DHRSX: variants seen among roughly 807,000 people sequenced by gnomAD.
DHRSX encodes polyprenol dehydrogenase.
A neutral mutation model predicts 34.0 loss-of-function variants in DHRSX; 31 were observed. The observed-to-expected ratio is 0.91, with a 90% CI of 0.69 to 1.23. The LOEUF (loss-of-function observed/expected upper bound fraction) is 1.23. DHRSX is among the 50% of genes most tolerant of loss of function. The pLI is 0.00. For synonymous variants in DHRSX, 201 were observed against 183.8 expected, an observed-to-expected ratio of 1.09 and a Z score of -0.76; for missense variants, 414 against 428.1, an observed-to-expected ratio of 0.97 and a Z score of 0.29.
At chrX:2,323,027 G>A (rs145040695) in intron 3 of DHRSX, among the ~76,000 whole-genome samples, 3,025 of 150,542 alleles carry the variant, frequency 0.02, 103 homozygotes, top group African/African-American at 0.069. Flanking sequence ...AGGTTCAAGC[G>A]ATTCTCCTGC....
chrX:2,442,638 A>G (rs1332120885), intron 1 of DHRSX, among the ~76,000 whole-genome samples: 6 of 151,874 alleles, frequency 4.0e-5, no homozygotes, highest in Non-Finnish European at 5.9e-5. Context: ...CAGGTCCCCA[A>G]ATCACTGCAT....
chrX:2,392,481 A>G (rs1348881448), intron 3 of DHRSX: 1 of 284,240 alleles, frequency 3.5e-6, no homozygotes, highest in South Asian at 3.4e-5. Context: ...GTCTCTTAAA[A>G]AATAAAATAA....
chrX:2,372,349 C>G (rs1353902027), intron 3 of DHRSX, among the ~76,000 whole-genome samples: 3 of 152,070 alleles, frequency 2.0e-5, no homozygotes, highest in Non-Finnish European at 4.4e-5. Flanking sequence ...CTATAGATCT[C>G]CCAGACGCGC....
intron 6 of DHRSX, among the ~76,000 whole-genome samples, chrX:2,234,773 C>T (rs1399449102): frequency 2.0e-5 from 3 of 152,160 alleles, no homozygotes; most frequent in African/African-American, 7.2e-5. Flanking sequence ...TGCAGTGGCA[C>T]GATCCCGGCT....
chrX:2,360,528 A>G (rs1371749597), intron 3 of DHRSX, among the ~76,000 whole-genome samples: 2 of 152,120 alleles, frequency 1.3e-5, no homozygotes, highest in Non-Finnish European at 2.9e-5. Flanking sequence ...GATTGCAGTG[A>G]GCCAAGATCG....
intron 1 of DHRSX, among the ~76,000 whole-genome samples, chrX:2,484,999 A>G (rs986610722): frequency 6.6e-6 from 1 of 152,010 alleles, no homozygotes; most frequent in Non-Finnish European, 1.5e-5. Context: ...TGTTTTCCTC[A>G]CCCTTCAGAG....
At chrX:2,343,127 T>C (rs2042660959) in intron 3 of DHRSX, among the ~76,000 whole-genome samples, 1 of 152,084 alleles carries the variant, frequency 6.6e-6, no homozygotes, top group Admixed American at 6.6e-5. Flanking sequence ...CAGCCTCCCC[T>C]CTGACCAGAG....
intron 3 of DHRSX, among the ~76,000 whole-genome samples, chrX:2,397,284 C>G (rs2043423989): frequency 1.3e-5 from 2 of 152,102 alleles, no homozygotes; most frequent in South Asian, 4.1e-4. Context: ...ACAGTGCACC[C>G]CACCAAGCCA....
intron 6 of DHRSX, among the ~76,000 whole-genome samples, chrX:2,240,308 AG>A (rs1222126999): frequency 6.6e-6 from 1 of 151,800 alleles, no homozygotes; most frequent in Non-Finnish European, 1.5e-5. Flanking sequence ...AAAAAGAAAA[AG>A]AAAAAGAAAA....
At chrX:2,409,673 A>C (rs1438965357) in intron 2 of DHRSX, among the ~76,000 whole-genome samples, 3 of 152,154 alleles carry the variant, frequency 2.0e-5, no homozygotes, top group Non-Finnish European at 2.9e-5. Flanking sequence ...TAGCTAAAAT[A>C]AAGACTAGGA....
At chrX:2,315,635 C>T (rs1435155904) in intron 3 of DHRSX, among the ~76,000 whole-genome samples, 4 of 152,108 alleles carry the variant, frequency 2.6e-5, no homozygotes, top group South Asian at 4.1e-4. Context: ...CGTAACAAAA[C>T]GCCCCAAACG....
At chrX:2,318,677 A>G (rs2042270179) in intron 3 of DHRSX, among the ~76,000 whole-genome samples, 1 of 151,680 alleles carries the variant, frequency 6.6e-6, no homozygotes, top group Admixed American at 6.6e-5. Context: ...AGAACCGCCC[A>G]CCGGCTTCCC....
intron 5 of DHRSX, among the ~76,000 whole-genome samples, chrX:2,249,276 AC>A (rs1231632171): frequency 1.6e-5 from 2 of 128,346 alleles, no homozygotes; most frequent in Non-Finnish European, 1.6e-5. Context: ...CACTGCAACC[AC>A]CCCCTCCTGG....
At chrX:2,246,718 A>AAGAAAGAAAG (rs2016299372) in intron 5 of DHRSX, among the ~76,000 whole-genome samples, 4 of 109,198 alleles carry the variant, frequency 3.7e-5, no homozygotes, top group Admixed American at 3.6e-4. Flanking sequence ...GAAAGAAAGA[A>AAGAAAGAAAG]AGAAAGAAAG....
intron 3 of DHRSX, among the ~76,000 whole-genome samples, chrX:2,323,113 T>C (rs1364133930): frequency 6.6e-6 from 1 of 152,064 alleles, no homozygotes; most frequent in Non-Finnish European, 1.5e-5. Context: ...TGTATTTTCT[T>C]GCAACAGCCA....
At chrX:2,300,334 G>C (rs762303286) in intron 3 of DHRSX, among the ~76,000 whole-genome samples, 3 of 152,132 alleles carry the variant, frequency 2.0e-5, no homozygotes, top group South Asian at 2.1e-4. Flanking sequence ...TGAGGCCCTC[G>C]TCCAGTAGGA....
chrX:2,286,764 TAGTC>T (rs1383571063), intron 4 of DHRSX, among the ~76,000 whole-genome samples: 2 of 151,534 alleles, frequency 1.3e-5, no homozygotes, highest in Non-Finnish European at 2.9e-5. Context: ...AGATGAACCT[TAGTC>T]AGCCACAAAA....
At chrX:2,345,623 C>G (rs373665122) in intron 3 of DHRSX, among the ~76,000 whole-genome samples, 20 of 149,288 alleles carry the variant, frequency 1.3e-4, no homozygotes, top group African/African-American at 4.2e-4. Context: ...GCATCGTACC[C>G]CAGCCTGGGC....
chrX:2,412,024 T>A (rs2043636891), intron 2 of DHRSX, among the ~76,000 whole-genome samples: 1 of 152,172 alleles, frequency 6.6e-6, no homozygotes, highest in African/African-American at 2.4e-5. Context: ...CCTTCAGCAA[T>A]TGTCTCCTCA....
Sources: gnomAD v4.1 joint callset for allele counts (sites outside exome capture counted in the v4.1 genomes callset) on GRCh38, gnomAD v4.1.1 for gene constraint, MANE v1.5 for transcripts, NCBI Gene and HGNC (gene_info 2026-07-23, HGNC 2026-07-21) for gene names.